The following ACACA variants were observed in gnomAD, a reference collection of about 807,000 sequenced individuals.
ACACA encodes the protein acetyl-CoA carboxylase 1.
ACACA carries 103 observed loss-of-function variants against 296.1 expected under a neutral mutation model. The observed-to-expected ratio is 0.35, with a 90% CI of 0.30 to 0.41. The LOEUF is 0.41. Among genes scored for constraint, ACACA ranks in the 10% least tolerant of loss-of-function variants. The probability of loss-of-function intolerance (pLI) is 1.00; values close to 1 mark genes in which losing one functional copy is unlikely to be tolerated. For synonymous variants in ACACA, 953 were observed against 1,038.6 expected (o/e 0.92, Z 1.58); for missense variants, 1,554 against 2,989.7 (o/e 0.52, Z 11.20).
intron 1 of ACACA, among the ~76,000 whole-genome samples, chr17:37,390,330 A>ATATATATCTATATATATC (rs1386032855): frequency 2.4e-5 from 1 of 41,592 alleles, no homozygotes; most frequent in African/African-American, 1.3e-4. Context: ...ATATATATAT[A>ATATATATCTATATATATC]TATAAAAGGC....
intron 3 of ACACA, among the ~76,000 whole-genome samples, chr17:37,326,162 T>C (rs2047610319): frequency 6.8e-6 from 1 of 147,840 alleles, no homozygotes; most frequent in Admixed American, 6.7e-5. Context: ...TGGGCTGAGA[T>C]TGCACCACTG....
chr17:37,107,727 C>T (rs2073768356), intron 52 of ACACA, among the ~76,000 whole-genome samples: 2 of 152,260 alleles, frequency 1.3e-5, no homozygotes. Flanking sequence ...CTCCTTTGCC[C>T]AGGTGCTCTT....
intron 50 of ACACA, among the ~76,000 whole-genome samples, chr17:37,114,593 GA>G (rs1402803064): frequency 6.6e-6 from 1 of 150,684 alleles, no homozygotes; most frequent in Non-Finnish European, 1.5e-5. Flanking sequence ...GGAGCAGCCT[GA>G]AGAAAAGGAC....
At chr17:37,320,674 C>T (rs191675263) in intron 3 of ACACA, among the ~76,000 whole-genome samples, 6 of 152,044 alleles carry the variant, frequency 3.9e-5, no homozygotes, top group Admixed American at 6.6e-5. Flanking sequence ...AGGCCAGGCA[C>T]GGTGGCTCCT....
intron 2 of ACACA, 47 bp from the exon 3 acceptor site, chr17:37,330,472 C>A: frequency 6.2e-7 from 1 of 1,610,356 alleles, no homozygotes; most frequent in African/African-American, 1.3e-5. Context: ...GAATAATAAT[C>A]TATATCTGAG....
At position 37,188,429 on chromosome 17, in the gene ACACA, T is replaced by C; in HGVS notation, c.4624A>G (p.Lys1542Glu). The part of the protein sequence containing the change: ...MVMRYGSRLW[K>E]LRVLQAELKI... ...AGTTCTGCCTGGAGGACGCGCAATTTCCACAGGCGACTTCCATACCGCATT... is the reference window on the plus strand; with the variant it reads ...AGTTCTGCCTGGAGGACGCGCAATTCCCACAGGCGACTTCCATACCGCATT... The change falls in exon 39 of 56, where the codon AAA becomes GAA. Residue 1542 changes from lysine (K) to glutamate (E), a missense_variant. Transcript: ENST00000616317. 1 of 1,613,752 alleles carries C rather than the reference T, an allele frequency of 6.2e-7. No individual in the cohort carries two copies. The highest frequency in any genetic ancestry group is 2.2e-5 in the East Asian group (1 of 44,874).
chr17:37,161,349 G>A (rs2076452081), intron 42 of ACACA, among the ~76,000 whole-genome samples: 1 of 152,166 alleles, frequency 6.6e-6, no homozygotes, highest in Non-Finnish European at 1.5e-5. Context: ...TACTTCAGAG[G>A]GCTACGGGGG....
intron 47 of ACACA, among the ~76,000 whole-genome samples, chr17:37,127,182 T>C (rs2074830569): frequency 6.6e-6 from 1 of 152,188 alleles, no homozygotes; most frequent in African/African-American, 2.4e-5. Flanking sequence ...CATACTTCTG[T>C]TCACCCATGA....
intron 24 of ACACA, among the ~76,000 whole-genome samples, chr17:37,238,334 G>GA (rs1243840214): frequency 0.98 from 139,289 of 142,380 alleles, 68,138 homozygotes; most frequent in South Asian, 1. Flanking sequence ...ATCATTTATT[G>GA]AAAAAAAAAA....
chr17:37,147,606 C>T (rs2075867358), intron 45 of ACACA, among the ~76,000 whole-genome samples: 1 of 152,116 alleles, frequency 6.6e-6, no homozygotes, highest in Non-Finnish European at 1.5e-5. Flanking sequence ...TGCATAAAAT[C>T]GGGTGTCTTC....
intron 25 of ACACA, among the ~76,000 whole-genome samples, chr17:37,229,093 G>A (rs1333940167): frequency 1.3e-5 from 2 of 148,946 alleles, no homozygotes; most frequent in African/African-American, 2.5e-5. Flanking sequence ...GCAGTGAGCC[G>A]AGATCCGGCC....
At chr17:37,177,728 A>G (rs565578230) in intron 41 of ACACA, among the ~76,000 whole-genome samples, 59 of 152,342 alleles carry the variant, frequency 3.9e-4, no homozygotes, top group Non-Finnish European at 7.5e-4. Flanking sequence ...TGCTACATAC[A>G]GTGGCAGAAA....
intron 1 of ACACA, among the ~76,000 whole-genome samples, chr17:37,349,848 T>C (rs2048815651): frequency 6.6e-6 from 1 of 151,870 alleles, no homozygotes; most frequent in Non-Finnish European, 1.5e-5. Flanking sequence ...CATGAGCCAC[T>C]GCACCTGGCC....
chr17:37,144,584 T>C (rs1021877916), intron 45 of ACACA: 2 of 155,842 alleles, frequency 1.3e-5, no homozygotes, highest in Non-Finnish European at 2.8e-5. Context: ...CCTAACAGAG[T>C]CAGCTATGAC....
intron 1 of ACACA, among the ~76,000 whole-genome samples, chr17:37,357,537 T>G (rs1202612427): frequency 6.6e-6 from 1 of 152,084 alleles, no homozygotes; most frequent in African/African-American, 2.4e-5. Flanking sequence ...ACAACACTAG[T>G]AAACACAGAT....
At chr17:37,289,261 C>CA (rs113414513) in intron 3 of ACACA, among the ~76,000 whole-genome samples, 7,234 of 141,514 alleles carry the variant, frequency 0.051, 567 homozygotes, top group African/African-American at 0.18. Context: ...GACTCCATCT[C>CA]AAAAAAAAAA....
At chr17:37,216,159 A>ACACAC (rs1598205866) in intron 29 of ACACA, among the ~76,000 whole-genome samples, 2,354 of 90,820 alleles carry the variant, frequency 0.026, 20 homozygotes, top group African/African-American at 0.043. Flanking sequence ...CACACACACA[A>ACACAC]CATACACATG....
intron 39 of ACACA, among the ~76,000 whole-genome samples, chr17:37,184,264 C>G (rs2077442189): frequency 6.6e-6 from 1 of 152,190 alleles, no homozygotes; most frequent in Non-Finnish European, 1.5e-5. Flanking sequence ...TTTACTCTCT[C>G]CTACTCAATA....
chr17:37,398,539 C>T (rs2051166655), intron 1 of ACACA, among the ~76,000 whole-genome samples: 1 of 137,470 alleles, frequency 7.3e-6, no homozygotes, highest in Admixed American at 7.8e-5. Flanking sequence ...CCCACCTTGG[C>T]CTCCAAAAGT....
Sources: gnomAD v4.1 joint callset for allele counts (sites outside exome capture counted in the v4.1 genomes callset) on GRCh38, gnomAD v4.1.1 for gene constraint, MANE v1.5 for transcripts, NCBI Gene and HGNC (gene_info 2026-07-23, HGNC 2026-07-21) for gene names.